ANO4: variants seen among roughly 807,000 people sequenced by gnomAD.
ANO4 encodes the protein anoctamin-4.
ANO4 carries 69 observed loss-of-function variants against 141.9 expected under a neutral mutation model. That is an observed-to-expected ratio of 0.49 (90% CI 0.40 to 0.59). The LOEUF (loss-of-function observed/expected upper bound fraction) is 0.59. Ranked by LOEUF, ANO4 falls within the 20% of genes least tolerant of loss-of-function variation. ANO4 has a pLI of 0.00. For synonymous variants in ANO4, 350 were observed against 394.3 expected, an observed-to-expected ratio of 0.89 and a Z score of 1.33; for missense variants, 894 against 1,162.2, an observed-to-expected ratio of 0.77 and a Z score of 3.36.
intron 3 of ANO4, among the ~76,000 whole-genome samples, chr12:100,779,391 G>C (rs1274141207): frequency 1.3e-5 from 2 of 152,240 alleles, no homozygotes; most frequent in African/African-American, 2.4e-5. Flanking sequence ...ATAACAATGA[G>C]CTTGCAGCCA....
At chr12:100,854,363 GT>G (rs2135862860) in intron 1 of ANO4, among the ~76,000 whole-genome samples, 1 of 152,092 alleles carries the variant, frequency 6.6e-6, no homozygotes, top group Admixed American at 6.6e-5. Flanking sequence ...TACTTGTTGT[GT>G]TAGCTGTGGT....
intron 1 of ANO4, among the ~76,000 whole-genome samples, chr12:100,798,352 A>T (rs2034466583): frequency 6.6e-6 from 1 of 152,200 alleles, no homozygotes; most frequent in Non-Finnish European, 1.5e-5. Flanking sequence ...TGCGACTCCC[A>T]CATGAGGCTT....
intron 1 of ANO4, among the ~76,000 whole-genome samples, chr12:100,731,219 T>C (rs1026019582): frequency 6.6e-6 from 1 of 152,234 alleles, no homozygotes; most frequent in Admixed American, 6.5e-5. Flanking sequence ...AGAATTTTCT[T>C]ATTGTCACAT....
intron 7 of ANO4, among the ~76,000 whole-genome samples, chr12:100,978,866 A>G (rs1023074731): frequency 8.5e-5 from 13 of 152,216 alleles, no homozygotes; most frequent in African/African-American, 2.9e-4. Context: ...ATTCTGTATT[A>G]TAACTCAACA....
intron 3 of ANO4, among the ~76,000 whole-genome samples, chr12:100,782,403 A>G (rs754372640): frequency 4.6e-5 from 7 of 152,182 alleles, no homozygotes; most frequent in Non-Finnish European, 7.3e-5. Flanking sequence ...GTTAAAAACC[A>G]TGGATTCCTC....
At chr12:100,969,144 G>T (rs1014104830) in intron 5 of ANO4, among the ~76,000 whole-genome samples, 1 of 152,110 alleles carries the variant, frequency 6.6e-6, no homozygotes, top group Non-Finnish European at 1.5e-5. Flanking sequence ...ATCCACCTAG[G>T]CCAGGTCTAA....
chr12:100,743,999 G>T (rs1358458874), intron 3 of ANO4, among the ~76,000 whole-genome samples: 2 of 151,988 alleles, frequency 1.3e-5, no homozygotes, highest in African/African-American at 2.4e-5. Context: ...TCTCTTTCTA[G>T]TCATTCCTAT....
chr12:100,785,755 A>G (rs2033854951), intron 3 of ANO4, among the ~76,000 whole-genome samples: 1 of 152,206 alleles, frequency 6.6e-6, no homozygotes, highest in Non-Finnish European at 1.5e-5. Flanking sequence ...TCGTTTGGGA[A>G]GATACCAAGG....
intron 3 of ANO4, among the ~76,000 whole-genome samples, chr12:100,765,574 A>G (rs2033040953): frequency 6.6e-6 from 1 of 151,118 alleles, no homozygotes; most frequent in African/African-American, 2.4e-5. Context: ...TTGTAGAGAC[A>G]AGGTCTTGCC....
intron 16 of ANO4, among the ~76,000 whole-genome samples, chr12:101,084,074 C>A (rs1311857059): frequency 6.6e-6 from 1 of 152,200 alleles, no homozygotes; most frequent in Non-Finnish European, 1.5e-5. Flanking sequence ...ACCCTCTAAT[C>A]TGATATTCTT....
At chr12:101,051,399 C>A (rs1451803355) in intron 14 of ANO4, among the ~76,000 whole-genome samples, 1 of 152,092 alleles carries the variant, frequency 6.6e-6, no homozygotes, top group East Asian at 1.9e-4. Context: ...GCAAGACATG[C>A]CTGGAATAAT....
chr12:100,945,162 A>C (rs912283445), intron 5 of ANO4, among the ~76,000 whole-genome samples: 3 of 152,186 alleles, frequency 2.0e-5, no homozygotes, highest in Non-Finnish European at 4.4e-5. Context: ...ATTATGAAAA[A>C]CATGTTTCAC....
chr12:101,059,739 T>C (rs955012044), intron 14 of ANO4, among the ~76,000 whole-genome samples: 1 of 152,196 alleles, frequency 6.6e-6, no homozygotes, highest in Admixed American at 6.5e-5. Context: ...CCCTTTATCA[T>C]TTTTTATTGT....
intron 1 of ANO4, among the ~76,000 whole-genome samples, chr12:100,720,800 T>C (rs982854492): frequency 2.0e-5 from 3 of 152,200 alleles, no homozygotes; most frequent in African/African-American, 7.2e-5. Flanking sequence ...TGCCTGGGCA[T>C]GAAGATAATA....
intron 11 of ANO4, among the ~76,000 whole-genome samples, chr12:101,040,771 A>G (rs2047382058): frequency 6.8e-6 from 1 of 147,250 alleles, no homozygotes; most frequent in Non-Finnish European, 1.5e-5. Flanking sequence ...CACCCCCCAT[A>G]GGCCCTGGTG....
At chr12:100,925,883 A>G (rs2041852484) in intron 3 of ANO4, among the ~76,000 whole-genome samples, 1 of 151,492 alleles carries the variant, frequency 6.6e-6, no homozygotes, top group African/African-American at 2.4e-5. Context: ...GACCTTCAAG[A>G]TCAAGCTAGA....
chr12:100,775,242 T>C (rs2033458293), intron 3 of ANO4, among the ~76,000 whole-genome samples: 1 of 152,150 alleles, frequency 6.6e-6, no homozygotes, highest in Non-Finnish European at 1.5e-5. Flanking sequence ...TATTTTTTCA[T>C]CCCCAAAGGA....
intron 14 of ANO4, among the ~76,000 whole-genome samples, chr12:101,067,890 CA>C (rs1482847511): frequency 6.6e-6 from 1 of 152,116 alleles, no homozygotes; most frequent in African/African-American, 2.4e-5. Flanking sequence ...TCTGTTCATT[CA>C]AAATCAAAGT....
intron 22 of ANO4, among the ~76,000 whole-genome samples, chr12:101,109,673 A>G (rs2050588278): frequency 6.6e-6 from 1 of 152,220 alleles, no homozygotes; most frequent in Non-Finnish European, 1.5e-5. Flanking sequence ...CTGAGAATCT[A>G]CAAATATCCT....
Sources: allele counts gnomAD v4.1 joint callset (sites outside exome capture counted in the v4.1 genomes callset), GRCh38; gene constraint gnomAD v4.1.1; transcripts MANE v1.5; gene names NCBI Gene and HGNC (gene_info 2026-07-23, HGNC 2026-07-21).